PGM3: variants seen among roughly 807,000 people sequenced by gnomAD.
PGM3 encodes phosphoacetylglucosamine mutase.
Under a neutral mutation model 66.2 loss-of-function variants are expected in PGM3, and 40 were observed. The observed-to-expected ratio is 0.60, with a 90% confidence interval of 0.47 to 0.79. The LOEUF (loss-of-function observed/expected upper bound fraction) is 0.79, where lower values mean the gene tolerates loss of function less well. Among genes scored for constraint, PGM3 ranks in the 30% least tolerant of loss-of-function variants. PGM3 has a pLI of 0.00. For synonymous variants in PGM3, 191 were observed against 224.2 expected, an observed-to-expected ratio of 0.85 and a Z score of 1.32; for missense variants, 537 against 643.4, an observed-to-expected ratio of 0.83 and a Z score of 1.79.
chr6:83,192,509 C>T (rs997746597), intron 1 of PGM3, among the ~76,000 whole-genome samples: 1 of 152,090 alleles, frequency 6.6e-6, no homozygotes, highest in Non-Finnish European at 1.5e-5. Flanking sequence ...ACAGAACTTG[C>T]AAGAAATGGT....
rs775939917 is a variant in PGM3, at chr6:83,188,702, C to G, written c.301G>C (p.Asp101His). 11 of 1,614,032 alleles carry G rather than the reference C, an allele frequency of 6.8e-6. No homozygotes were observed. In the Admixed American group the frequency reaches 1.2e-4, roughly 17 times the overall value. Residue 101 changes from aspartate (D) to histidine (H), a missense_variant, in exon 3 of 13, where the codon GAT becomes CAT. By Grantham distance (81) the Asp-to-His change is moderately conservative (BLOSUM62 -1). Transcript: ENST00000513973. ...ATCLANAEEQ[D>H]MQRVLIDISE... is the part of the protein sequence containing the mutation. ...ATGTCAATAAGCACTCTCTGCATAT[C>G]TTGTTCCTCAGCATTTGCTAAACAG... is the stretch of plus-strand genomic sequence containing the variant.
chr6:83,185,214 A>G (rs1222638547), intron 4 of PGM3, among the ~76,000 whole-genome samples: 1 of 152,222 alleles, frequency 6.6e-6, no homozygotes, highest in African/African-American at 2.4e-5. Flanking sequence ...TGCAGGCCAC[A>G]GCCTGCCAAT....
intron 3 of PGM3, 136 bp from the exon 4 acceptor site, chr6:83,187,211 A>T (rs1788648994): frequency 1.9e-6 from 1 of 540,386 alleles, no homozygotes; most frequent in African/African-American, 1.9e-5. Context: ...GAAAGCTATG[A>T]ACTCTCAAGA....
chr6:83,162,126 G>T (rs1784370341), downstream of PGM3, among the ~76,000 whole-genome samples: 1 of 152,004 alleles, frequency 6.6e-6, no homozygotes, highest in Non-Finnish European at 1.5e-5. Context: ...ACTCTTTTGG[G>T]CATAAACTCT....
At chr6:83,189,421 T>G (rs1788874517) in intron 2 of PGM3, among the ~76,000 whole-genome samples, 2 of 152,264 alleles carry the variant, frequency 1.3e-5, no homozygotes, top group Non-Finnish European at 2.9e-5. Flanking sequence ...GAAGTGCCTC[T>G]GGAACTAGCA....
At chr6:83,156,586 G>C (rs1228901007), downstream of PGM3, among the ~76,000 whole-genome samples, 1 of 152,152 alleles carries the variant, frequency 6.6e-6, no homozygotes, top group African/African-American at 2.4e-5. Flanking sequence ...AAGGATATCA[G>C]TACACGTGTC....
intron 3 of PGM3, 124 bp downstream of exon 3, chr6:83,188,490 G>A: frequency 1.4e-6 from 1 of 718,044 alleles, no homozygotes; most frequent in Non-Finnish European, 2.3e-6. Context: ...GGCCAGGCAG[G>A]TAGACATGCA....
chr6:83,186,141 G>A (rs1414228132), intron 4 of PGM3, among the ~76,000 whole-genome samples: 4 of 152,128 alleles, frequency 2.6e-5, no homozygotes, highest in Non-Finnish European at 5.9e-5. Flanking sequence ...AGGTCCACAG[G>A]TCCTCTGCAG....
downstream of PGM3, among the ~76,000 whole-genome samples, chr6:83,162,337 A>AT (rs1233515773): frequency 6.6e-6 from 1 of 152,114 alleles, no homozygotes; most frequent in African/African-American, 2.4e-5. Context: ...AATTCGTTCA[A>AT]TTTTTTACTC....
chr6:83,164,857 G>A, downstream of PGM3: 1 of 636,076 alleles, frequency 1.6e-6, no homozygotes, highest in Non-Finnish European at 2.7e-6. Context: ...GACTGGTGAA[G>A]TCAAAGGAGA....
At chr6:83,158,660 A>T (rs752989756), downstream of PGM3, 1 of 1,376,296 alleles carries the variant, frequency 7.3e-7, no homozygotes, top group Non-Finnish European at 1.0e-6. Flanking sequence ...TCCATTTTTT[A>T]ATACCCTGAA....
In PGM3 at chr6:83,182,976, A is replaced by C. The variant is rs757081282; in HGVS notation, c.460T>G (p.Tyr154Asp). 3.7e-6 allele frequency: 6 copies of C among 1,613,126 alleles called. No homozygotes were observed. The Admixed American group carries it at 1.0e-4, about 27-fold the overall frequency. ...AGCTGGGGTGTTGTTAACAAGCCAT[A>C]ATCTGTCATAGAAATACAAAAAGCA... ...VTVLGGQFHD[Y>D]GLLTTPQLHY... The change falls in exon 5 of 13, where the codon TAT becomes GAT. Residue 154 changes from tyrosine to aspartate, a missense_variant and splice_region_variant. Tyr to Asp is a radical substitution (Grantham distance 160, BLOSUM62 -3). Transcript: ENST00000513973.
chr6:83,152,827 A>G, the PGM3 span, among the ~76,000 whole-genome samples: 9 of 152,158 alleles, frequency 5.9e-5, no homozygotes, highest in African/African-American at 2.2e-4. Flanking sequence ...CAGTTTGGCC[A>G]GGCTGGTCTC....
chr6:83,182,711 G>C (rs1354542601), intron 5 of PGM3, 134 bp downstream of exon 5: 2 of 835,590 alleles, frequency 2.4e-6, no homozygotes, highest in African/African-American at 1.7e-5. Flanking sequence ...TAGCCCTAGA[G>C]AAAAACAAAA....
At position 83,170,263 on chromosome 6, in the gene PGM3, C is replaced by T. The variant is rs1583245404; in HGVS notation, c.1539+42G>A. ...ATTAAAATAGTTTGCCTGCCCATCA[C>T]CTAATATTAGGCTCTTTTTCAATAG... is the stretch of plus-strand genomic sequence containing the variant. On this transcript the variant is annotated intron_variant, in intron 12 of 12. Transcript: ENST00000513973. 6.9e-6 allele frequency: 11 copies of T among 1,584,250 alleles called. 1 individual carries two copies. The highest frequency in any genetic ancestry group is 6.7e-5 in the African/African-American group (5 of 74,178).
At chr6:83,191,885 G>A (rs941262891) in intron 1 of PGM3, among the ~76,000 whole-genome samples, 1 of 150,428 alleles carries the variant, frequency 6.6e-6, no homozygotes, top group Admixed American at 6.7e-5. Context: ...CAGCTACTCG[G>A]GAGGCAGAGG....
chr6:83,159,472 G>A (rs1158589578), downstream of PGM3, among the ~76,000 whole-genome samples: 1 of 148,484 alleles, frequency 6.7e-6, no homozygotes, highest in African/African-American at 2.5e-5. Context: ...TGTATTTTTT[G>A]TAGAGACAGG....
the PGM3 span, chr6:83,148,958 A>T: frequency 1.5e-6 from 1 of 688,844 alleles, no homozygotes; most frequent in Non-Finnish European, 2.2e-6. Context: ...GGTGACAGTG[A>T]TCTCTCTACC....
At position 83,193,163 on chromosome 6, in the gene PGM3, T is replaced by C. The variant is rs1789297624; in HGVS notation, c.-3+16A>G. On this transcript the variant is annotated intron_variant, in intron 1 of 12. Transcript: ENST00000513973. ...TAGTCTCCCTTCTCAACTCCGAGCC[T>C]CGGGGCCCGGCTTACCTCGGTCAGG... 1 of 150,594 alleles carries C rather than the reference T, an allele frequency of 6.6e-6. No individual in the cohort carries two copies. Among genetic ancestry groups the C allele is most frequent in the Non-Finnish European group, 1.5e-5 (1 of 67,964 alleles). 9.3% of individuals were successfully genotyped at this position (150,594 alleles called of 1,614,324 possible).
Sources: allele counts gnomAD v4.1 joint callset (sites outside exome capture counted in the v4.1 genomes callset), GRCh38; gene constraint gnomAD v4.1.1; transcripts MANE v1.5; gene names NCBI Gene and HGNC (gene_info 2026-07-23, HGNC 2026-07-21).